Variants in TRIM24 observed in about 807,000 individuals in gnomAD.
The protein encoded by TRIM24 is tripartite motif containing 24.
Under a neutral mutation model 123.9 loss-of-function variants are expected in TRIM24, and 29 were observed. That is an observed-to-expected ratio of 0.23 (90% CI 0.17 to 0.32). The LOEUF is 0.32. Among genes scored for constraint, TRIM24 ranks in the 10% least tolerant of loss-of-function variants. TRIM24 has a pLI of 1.00. For missense variants in TRIM24, 932 were observed against 1,295.3 expected (o/e 0.72, Z 4.31); for synonymous variants, 456 against 461.1 (o/e 0.99, Z 0.14).
intron 9 of TRIM24, among the ~76,000 whole-genome samples, chr7:138,567,185 A>AT (rs778081863): frequency 5.3e-5 from 8 of 152,158 alleles, no homozygotes; most frequent in Non-Finnish European, 1.2e-4. Flanking sequence ...CCAAAGACAC[A>AT]TTTTATTTAC....
At chr7:138,486,736 G>A (rs1795656401) in intron 1 of TRIM24, among the ~76,000 whole-genome samples, 2 of 152,160 alleles carry the variant, frequency 1.3e-5, no homozygotes, top group Admixed American at 6.5e-5. Flanking sequence ...TTTGGTTACT[G>A]TAGCCTTGTA....
chr7:138,477,791 GGCA>G (rs1161686829), intron 1 of TRIM24, among the ~76,000 whole-genome samples: 1 of 152,166 alleles, frequency 6.6e-6, no homozygotes, highest in African/African-American at 2.4e-5. Context: ...GCTCCAGGAT[GGCA>G]GCTTGCAGCA....
intron 2 of TRIM24, among the ~76,000 whole-genome samples, chr7:138,510,388 CAT>C (rs1491151108): frequency 2.6e-4 from 39 of 152,132 alleles, no homozygotes; most frequent in East Asian, 3.9e-4. Context: ...TCAATCAAAT[CAT>C]GTGTGTGTGT....
chr7:138,557,663 A>C (rs376632495), intron 9 of TRIM24, among the ~76,000 whole-genome samples: 6 of 152,140 alleles, frequency 3.9e-5, no homozygotes, highest in Non-Finnish European at 7.4e-5. Context: ...TGACCTTTCC[A>C]TTGTCATCAA....
chr7:138,502,729 T>C (rs1796068322), intron 1 of TRIM24, among the ~76,000 whole-genome samples: 1 of 152,208 alleles, frequency 6.6e-6, no homozygotes, highest in Non-Finnish European at 1.5e-5. Flanking sequence ...TGAAATGCAT[T>C]GTGACATCTT....
At chr7:138,522,689 C>CT (rs373673175) in intron 4 of TRIM24, among the ~76,000 whole-genome samples, 6 of 151,426 alleles carry the variant, frequency 4.0e-5, no homozygotes, top group Non-Finnish European at 8.8e-5. Flanking sequence ...TAAGAAAATC[C>CT]TTTTTTTTAG....
intron 1 of TRIM24, among the ~76,000 whole-genome samples, chr7:138,472,386 CTT>C (rs1220020769): frequency 1.3e-5 from 2 of 151,966 alleles, no homozygotes; most frequent in African/African-American, 4.8e-5. Flanking sequence ...AGGAGACACA[CTT>C]TCTCTTGTGA....
chr7:138,470,673 TC>T (rs980544264), intron 1 of TRIM24, among the ~76,000 whole-genome samples: 5 of 152,210 alleles, frequency 3.3e-5, no homozygotes, highest in Non-Finnish European at 4.4e-5. Flanking sequence ...TAAAAAGTGA[TC>T]GCTTGTTTCA....
intron 1 of TRIM24, among the ~76,000 whole-genome samples, chr7:138,492,433 C>CT (rs1487598039): frequency 3.9e-5 from 6 of 152,044 alleles, no homozygotes; most frequent in African/African-American, 7.2e-5. Flanking sequence ...TGTCGGTTGT[C>CT]TTTTTTACCG....
At chr7:138,509,221 T>G (rs979730374) in intron 2 of TRIM24, among the ~76,000 whole-genome samples, 3 of 151,692 alleles carry the variant, frequency 2.0e-5, no homozygotes, top group Non-Finnish European at 4.4e-5. Flanking sequence ...AGTGCTGGGA[T>G]TACAAGTGTG....
chr7:138,534,074 T>G (rs1322363338), intron 6 of TRIM24, among the ~76,000 whole-genome samples: 1 of 152,156 alleles, frequency 6.6e-6, no homozygotes, highest in Non-Finnish European at 1.5e-5. Flanking sequence ...CCCTTTAACA[T>G]TTTTTATTGC....
At chr7:138,479,494 T>A (rs1795478425) in intron 1 of TRIM24, among the ~76,000 whole-genome samples, 1 of 151,938 alleles carries the variant, frequency 6.6e-6, no homozygotes, top group South Asian at 2.1e-4. Context: ...AGCCGTAGAC[T>A]CCTGAGTAGC....
At position 138,589,168 on chromosome 7, in the gene TRIM24, A is replaced by G. The variant is rs776593538; in HGVS notation, c.*4217A>G. 1 of 152,196 alleles carries G rather than the reference A, an allele frequency of 6.6e-6. No individual in the cohort carries two copies. Among genetic ancestry groups the G allele is most frequent in the Non-Finnish European group, 1.5e-5 (1 of 68,044 alleles). The allele number at this position is 152,196 out of a possible 1,614,324, so 9.4% of individuals were successfully genotyped here. ...TTTTATAAATGTTTATTGCATATTC[A>G]TCTTGAATGTGAATTTACTGTTGTA... On this transcript the variant is annotated 3_prime_UTR_variant, in exon 19 of 19. Coordinates refer to ENST00000343526, the MANE Select transcript of TRIM24 (RefSeq NM_015905.3).
intron 9 of TRIM24, among the ~76,000 whole-genome samples, chr7:138,557,100 G>C (rs560265120): frequency 2.3e-4 from 35 of 152,334 alleles, no homozygotes; most frequent in African/African-American, 8.4e-4. Flanking sequence ...TGAGGAGATA[G>C]TAAAGGAATT....
chr7:138,584,967 G>A lies in TRIM24; in HGVS notation c.*16G>A. ...GCTTAAATAATATGCAGCACCACTA[G>A]CTTGTGCTGGTTTTTAGATTTTTTT... On this transcript the variant is annotated 3_prime_UTR_variant, in exon 19 of 19. Transcript: ENST00000343526. 1 of 1,564,524 alleles carries A rather than the reference G, an allele frequency of 6.4e-7. No individual in the cohort carries two copies. Among genetic ancestry groups the A allele is most frequent in the Non-Finnish European group, 8.6e-7 (1 of 1,159,858 alleles).
chr7:138,539,597 G>C (rs1796960023), intron 7 of TRIM24, among the ~76,000 whole-genome samples: 1 of 152,024 alleles, frequency 6.6e-6, no homozygotes, highest in South Asian at 2.1e-4. Context: ...AGATTCAACA[G>C]AGATTTATAC....
chr7:138,504,926 A>G (rs554040112), intron 2 of TRIM24, among the ~76,000 whole-genome samples: 1 of 151,828 alleles, frequency 6.6e-6, no homozygotes, highest in Non-Finnish European at 1.5e-5. Context: ...ATGCCCAGCT[A>G]ATTTTTGTAT....
intron 12 of TRIM24, among the ~76,000 whole-genome samples, chr7:138,575,447 C>T (rs1371559842): frequency 6.6e-6 from 1 of 150,660 alleles, no homozygotes; most frequent in East Asian, 1.9e-4. Flanking sequence ...TAGGTGCCAC[C>T]AGGCCTGGCT....
chr7:138,576,473 T>C, intron 13 of TRIM24, 28 bp downstream of exon 13: 1 of 1,596,530 alleles, frequency 6.3e-7, no homozygotes, highest in Non-Finnish European at 8.6e-7. Flanking sequence ...TATTTTCTAG[T>C]ATATAAAAAT....
Sources: allele counts gnomAD v4.1 joint callset (sites outside exome capture counted in the v4.1 genomes callset), GRCh38; gene constraint gnomAD v4.1.1; transcripts MANE v1.5; gene names NCBI Gene and HGNC (gene_info 2026-07-23, HGNC 2026-07-21).